Variants in PCLO observed in about 807,000 individuals in gnomAD.
PCLO encodes the protein piccolo presynaptic cytomatrix protein.
A neutral mutation model predicts 427.5 loss-of-function variants in PCLO; 82 were observed. The ratio of observed to expected loss-of-function variants is 0.19; its 90% CI spans 0.16 to 0.23. The LOEUF (loss-of-function observed/expected upper bound fraction) is 0.23, where lower values mean the gene tolerates loss of function less well. PCLO is among the 10% of genes least tolerant of loss of function. The probability of loss-of-function intolerance (pLI) is 1.00; values close to 1 mark genes in which losing one functional copy is unlikely to be tolerated. For missense variants in PCLO, 6,239 were observed against 6,115.9 expected (o/e 1.02, Z -0.67); for synonymous variants, 2,357 against 2,155.4 (o/e 1.09, Z -2.59).
intron 22 of PCLO, among the ~76,000 whole-genome samples, chr7:82,799,900 A>G (rs1176650795): frequency 2.0e-5 from 3 of 152,094 alleles, no homozygotes; most frequent in Admixed American, 6.5e-5. Context: ...TCACGAGTAT[A>G]TCATCAATTG....
intron 3 of PCLO, among the ~76,000 whole-genome samples, chr7:83,031,121 G>A (rs924692796): frequency 6.6e-6 from 1 of 152,100 alleles, no homozygotes; most frequent in Non-Finnish European, 1.5e-5. Context: ...GTAAATTAGG[G>A]ATAACAGCAA....
chr7:82,763,372 T>C (rs558776658), intron 22 of PCLO, among the ~76,000 whole-genome samples: 2 of 152,198 alleles, frequency 1.3e-5, no homozygotes, highest in South Asian at 4.1e-4. Flanking sequence ...AATTTTGACT[T>C]TATGAACTTA....
chr7:82,966,497 A>C lies in PCLO; in HGVS notation c.3301-10T>G. On this transcript the variant is annotated splice_polypyrimidine_tract_variant and intron_variant, in intron 3 of 24. Transcript: ENST00000333891. Reference sequence around the variant, plus strand: ...AAAGCCATTCTTGAATCTGTGGGAAAAAAATTACAATGAACAGATTGAATG... The same window carrying C: ...AAAGCCATTCTTGAATCTGTGGGAACAAAATTACAATGAACAGATTGAATG... The C allele has an allele frequency of 3.4e-6, 5 of 1,491,202 alleles. No homozygotes were observed. Among genetic ancestry groups the C allele is most frequent in the Non-Finnish European group, 4.5e-6 (5 of 1,099,134 alleles). 92.4% of individuals were successfully genotyped at this position (1,491,202 alleles called of 1,614,324 possible).
At chr7:83,034,363 AT>A (rs1788741967) in intron 3 of PCLO, among the ~76,000 whole-genome samples, 1 of 152,092 alleles carries the variant, frequency 6.6e-6, no homozygotes, top group Non-Finnish European at 1.5e-5. Context: ...TACTTTTTAT[AT>A]TTTTAGAAAA....
intron 3 of PCLO, among the ~76,000 whole-genome samples, chr7:83,118,424 T>G (rs1002035541): frequency 2.6e-5 from 4 of 151,884 alleles, no homozygotes; most frequent in Non-Finnish European, 5.9e-5. Context: ...TAATATAATA[T>G]TAAGGAAAGA....
rs143313392 is a variant in PCLO at position 82,992,015 on chromosome 7, T to C, written c.3301-25528A>G. On this transcript the variant is annotated intron_variant, in intron 3 of 24. Coordinates refer to ENST00000333891, the MANE Select transcript of PCLO (RefSeq NM_033026.6). ...GGACTCAGACATCTTCTTTTGCCTA[T>C]GTCAAAAAAACATATTTTAAGAAAG... 2.2e-3 allele frequency among the ~76,000 whole-genome samples: 337 copies of C among 152,262 alleles called. 2 individuals carry two copies. The highest frequency in any genetic ancestry group is 8.5e-3 in the South Asian group (41 of 4,830).
At chr7:82,919,452 G>T (rs1794545801) in intron 6 of PCLO, among the ~76,000 whole-genome samples, 1 of 151,920 alleles carries the variant, frequency 6.6e-6, no homozygotes, top group Non-Finnish European at 1.5e-5. Context: ...AGTGTGGTGA[G>T]ATCTGTTTCA....
intron 9 of PCLO, chr7:82,880,544 G>A (rs1014768037): frequency 1.9e-5 from 4 of 216,158 alleles, no homozygotes; most frequent in Admixed American, 1.4e-4. Context: ...TTCTTTTAAA[G>A]CAGTGGCTCT....
intron 15 of PCLO, among the ~76,000 whole-genome samples, chr7:82,836,149 A>C (rs1168892765): frequency 6.6e-6 from 1 of 152,188 alleles, no homozygotes; most frequent in Admixed American, 6.6e-5. Context: ...TTAAGTTTGT[A>C]ACATTCTAAT....
chr7:82,860,791 C>T (rs577939967), intron 10 of PCLO, among the ~76,000 whole-genome samples: 1 of 151,906 alleles, frequency 6.6e-6, no homozygotes, highest in Non-Finnish European at 1.5e-5. Flanking sequence ...TAAATAGAAA[C>T]AACAAAAAGT....
At chr7:82,975,808 G>A (rs552090060) in intron 3 of PCLO, among the ~76,000 whole-genome samples, 4 of 152,088 alleles carry the variant, frequency 2.6e-5, no homozygotes, top group African/African-American at 7.2e-5. Flanking sequence ...TGATAGTGAG[G>A]AAGTTCTCAT....
intron 22 of PCLO, among the ~76,000 whole-genome samples, chr7:82,776,914 A>G (rs910211602): frequency 4.7e-4 from 71 of 151,870 alleles, no homozygotes; most frequent in African/African-American, 1.6e-3. Context: ...ACGCACACAC[A>G]CACACACACA....
At chr7:82,771,949 T>G (rs1335798634) in intron 22 of PCLO, among the ~76,000 whole-genome samples, 5 of 152,108 alleles carry the variant, frequency 3.3e-5, no homozygotes, top group Admixed American at 6.6e-5. Context: ...ATACTTTTTT[T>G]TTGTTTGTTT....
chr7:82,782,687 A>G lies in PCLO; in HGVS notation c.15007+18831T>C, dbSNP rs913654993. On this transcript the variant is annotated intron_variant, in intron 22 of 24. Transcript: ENST00000333891. Reference sequence around the variant, plus strand: ...TTACGTTAATATAAAATAGTATAGAATATCAAAATCCATTTCAGAAATTTA... The same window carrying G: ...TTACGTTAATATAAAATAGTATAGAGTATCAAAATCCATTTCAGAAATTTA... Among the ~76,000 whole-genome samples the G allele has an allele frequency of 6.6e-5, 10 of 152,346 alleles. No homozygotes were observed. The South Asian group carries it at 2.1e-3, about 32-fold the overall frequency.
intron 3 of PCLO, among the ~76,000 whole-genome samples, chr7:83,088,852 C>T (rs41521249): frequency 0.22 from 33,378 of 151,942 alleles, 4,364 homozygotes; most frequent in African/African-American, 0.36. Flanking sequence ...TCATCTCAAT[C>T]TTTTCTAGGC....
chr7:83,031,035 A>T (rs1399849382), intron 3 of PCLO, among the ~76,000 whole-genome samples: 1 of 152,102 alleles, frequency 6.6e-6, no homozygotes. Context: ...TTCCTTGGCC[A>T]CCTCTGTTTT....
At position 83,156,122 on chromosome 7, in the gene PCLO, G is replaced by A; in HGVS notation, c.519C>T (p.Phe173=). Residue 173 remains phenylalanine, a synonymous_variant, in exon 2 of 25, where the codon TTC becomes TTT. Coordinates refer to ENST00000333891, the MANE Select transcript of PCLO (RefSeq NM_033026.6). The stretch of plus-strand genomic sequence containing the variant: ...AGTCTGATATCAAATCAAAAGGGTT[G>A]AATTTATTTACAACAGAGGAAACAG... ...LSAVSSVVNK[F]NPFDLISDSE... 1 of 1,613,710 alleles carries A rather than the reference G, an allele frequency of 6.2e-7. No homozygotes were observed. The highest frequency in any genetic ancestry group is 8.5e-7 in the Non-Finnish European group (1 of 1,179,806).
chr7:83,093,492 A>ATATTTTTTTTTTTTT, intron 3 of PCLO, among the ~76,000 whole-genome samples: 1 of 59,342 alleles, frequency 1.7e-5, no homozygotes, highest in African/African-American at 5.4e-5. Flanking sequence ...ATATATATAT[A>ATATTTTTTTTTTTTT]TTTTTTTTTT....
At chr7:83,107,712 T>A (rs1169505762) in intron 3 of PCLO, among the ~76,000 whole-genome samples, 1 of 67,742 alleles carries the variant, frequency 1.5e-5, no homozygotes, top group Non-Finnish European at 2.4e-5. Context: ...AAGAAGAGAA[T>A]ATGTGCGGTG....
Sources: gnomAD v4.1 joint callset for allele counts (sites outside exome capture counted in the v4.1 genomes callset) on GRCh38, gnomAD v4.1.1 for gene constraint, MANE v1.5 for transcripts, NCBI Gene and HGNC (gene_info 2026-07-23, HGNC 2026-07-21) for gene names.